SSU72: variants seen among roughly 807,000 people sequenced by gnomAD.
SSU72 encodes the protein RNA polymerase II subunit A C-terminal domain phosphatase SSU72.
SSU72 carries 12 observed loss-of-function variants against 22.7 expected under a neutral mutation model. The observed-to-expected ratio is 0.53, with a 90% CI of 0.34 to 0.86. The LOEUF (loss-of-function observed/expected upper bound fraction) is 0.86. SSU72 is among the 40% of genes least tolerant of loss of function. The pLI, the probability that SSU72 is intolerant of heterozygous loss-of-function variation, is 0.02. For synonymous variants in SSU72, 116 were observed against 98.3 expected (o/e 1.18, Z -1.06); for missense variants, 151 against 249.8 (o/e 0.60, Z 2.67).
chr1:1,556,160 C>T (rs554505526), intron 2 of SSU72, among the ~76,000 whole-genome samples: 5 of 151,412 alleles, frequency 3.3e-5, no homozygotes, highest in East Asian at 2.0e-4. Flanking sequence ...TGGCCAGGCA[C>T]GGTGGCTCAC....
At position 1,543,112 on chromosome 1, in the gene SSU72, T is replaced by C. The variant is rs528515770; in HGVS notation, c.483+757A>G. ...TGGGGCTCTCCTCAGGCAGGTCCTT[T>C]CGTCACAGCCCAGCACCTCCACGCC... On this transcript the variant is annotated intron_variant, in intron 4 of 4. Coordinates refer to ENST00000291386, the MANE Select transcript of SSU72 (RefSeq NM_014188.3). 2.0e-5 allele frequency among the ~76,000 whole-genome samples: 3 copies of C among 152,338 alleles called. No individual in the cohort carries two copies. In the East Asian group the frequency reaches 5.8e-4, roughly 29 times the overall value.
intron 2 of SSU72, chr1:1,564,363 C>A: frequency 1.9e-6 from 2 of 1,078,010 alleles, no homozygotes; most frequent in East Asian, 2.7e-5. Flanking sequence ...ATGTGTGAAG[C>A]AGCCCGGCTC....
intron 2 of SSU72, among the ~76,000 whole-genome samples, chr1:1,549,276 C>T (rs1557496715): frequency 1.3e-5 from 2 of 151,870 alleles, no homozygotes; most frequent in East Asian, 3.9e-4. Context: ...AATCCCAGAA[C>T]TTTGCGAGGC....
intron 2 of SSU72, chr1:1,562,298 T>C (rs1371483271): frequency 1.3e-5 from 2 of 152,248 alleles, no homozygotes. Context: ...AACTTAAAAA[T>C]AAACAGTGCT....
chr1:1,572,742 C>A (rs953883642), intron 1 of SSU72, among the ~76,000 whole-genome samples: 4 of 151,416 alleles, frequency 2.6e-5, no homozygotes, highest in Non-Finnish European at 5.9e-5. Flanking sequence ...CAGGTGTGAG[C>A]CACTGCGCCC....
chr1:1,556,205 G>A (rs1476716221), intron 2 of SSU72, among the ~76,000 whole-genome samples: 1 of 152,194 alleles, frequency 6.6e-6, no homozygotes, highest in Non-Finnish European at 1.5e-5. Flanking sequence ...GGCCAAGGCG[G>A]GTGGATCACA....
rs116771837 is a variant in SSU72, at chr1:1,551,994, G to A, written c.225-6992C>T. On this transcript the variant is annotated intron_variant, in intron 2 of 4. Transcript: ENST00000291386. Reference sequence around the variant, plus strand: ...TTCCAATTCAGGGGATCCCCAAGCCGGCACCCCCACATCTTCCACTAATGT... The same window carrying A: ...TTCCAATTCAGGGGATCCCCAAGCCAGCACCCCCACATCTTCCACTAATGT... Among the ~76,000 whole-genome samples, 554 of 152,246 alleles carry A rather than the reference G, an allele frequency of 3.6e-3. 5 individuals are homozygous for A. Among genetic ancestry groups the A allele is most frequent in the African/African-American group, 0.013 (540 of 41,540 alleles).
At chr1:1,548,113 G>A (rs749178330) in intron 2 of SSU72, among the ~76,000 whole-genome samples, 3 of 152,138 alleles carry the variant, frequency 2.0e-5, no homozygotes, top group East Asian at 1.9e-4. Flanking sequence ...CCATAGAATC[G>A]ACTGCCCCCA....
At chr1:1,571,482 A>G (rs1324927968) in intron 1 of SSU72, among the ~76,000 whole-genome samples, 1 of 151,370 alleles carries the variant, frequency 6.6e-6, no homozygotes, top group East Asian at 1.9e-4. Context: ...AATTAACTTC[A>G]TGATATCCAT....
At chr1:1,544,650 G>A in intron 3 of SSU72, 3 of 619,290 alleles carry the variant, frequency 4.8e-6, no homozygotes, top group Non-Finnish European at 8.5e-6. Context: ...AAGGAGAAAA[G>A]AGGCCCCTTG....
chr1:1,557,495 CAT>C (rs3073301), intron 2 of SSU72, among the ~76,000 whole-genome samples: 74,916 of 150,680 alleles, frequency 0.5, 23,222 homozygotes, highest in East Asian at 0.86. Flanking sequence ...TCTGAATTAG[CAT>C]ATATATATAT....
At chr1:1,567,929 A>AAAAAAAAAAAAAC (rs1642682168) in intron 1 of SSU72, among the ~76,000 whole-genome samples, 1 of 150,542 alleles carries the variant, frequency 6.6e-6, no homozygotes, top group African/African-American at 2.5e-5. Context: ...AAAAAAAAAA[A>AAAAAAAAAAAAAC]TCGCACAAAG....
intron 1 of SSU72, among the ~76,000 whole-genome samples, chr1:1,572,650 G>T (rs960361171): frequency 6.6e-6 from 1 of 150,620 alleles, no homozygotes; most frequent in African/African-American, 2.4e-5. Flanking sequence ...GTAGAGACGG[G>T]GTTTCATCGT....
intron 2 of SSU72, among the ~76,000 whole-genome samples, chr1:1,547,691 C>T (rs138422220): frequency 5.3e-4 from 81 of 152,308 alleles, no homozygotes; most frequent in Admixed American, 1.0e-3. Flanking sequence ...GAGCCGCTGG[C>T]GGGTGAGGCG....
chr1:1,560,366 C>T (rs1467962877), intron 2 of SSU72, among the ~76,000 whole-genome samples: 1 of 152,114 alleles, frequency 6.6e-6, no homozygotes. Flanking sequence ...GGCTGGCCTC[C>T]GGCTCCTGGG....
chr1:1,552,845 A>AC (rs912810836), intron 2 of SSU72, among the ~76,000 whole-genome samples: 93 of 152,052 alleles, frequency 6.1e-4, no homozygotes, highest in African/African-American at 2.1e-3. Context: ...ATATGGCAAA[A>AC]CCCCATCTCT....
rs777615867 is a variant in SSU72, at chr1:1,542,212, G to T, written c.484-45C>A. 1.3e-6 allele frequency: 2 copies of T among 1,533,390 alleles called. No individual in the cohort carries two copies. The highest frequency in any genetic ancestry group is 1.8e-6 in the Non-Finnish European group (2 of 1,129,838). The allele number at this position is 1,533,390 out of a possible 1,614,324, so 95.0% of individuals were successfully genotyped here. Reference sequence around the variant, plus strand: ...GTGAGGGCCTTGCCCACTCCTGCCTGTCTGCTCCCCCTAACACCTGGATCG... The same window carrying T: ...GTGAGGGCCTTGCCCACTCCTGCCTTTCTGCTCCCCCTAACACCTGGATCG... On this transcript the variant is annotated intron_variant, in intron 4 of 4. Transcript: ENST00000291386. The surrounding 1 kb of genome is among the most constrained non-coding windows in gnomAD (Gnocchi z 4.4).
At chr1:1,569,551 C>CGCA (rs1306068346) in intron 1 of SSU72, among the ~76,000 whole-genome samples, 1 of 152,166 alleles carries the variant, frequency 6.6e-6, no homozygotes, top group Non-Finnish European at 1.5e-5. Flanking sequence ...AGTTCAGTGG[C>CGCA]GCAGTCACAG....
chr1:1,553,827 C>T (rs1359407720), intron 2 of SSU72, among the ~76,000 whole-genome samples: 2 of 150,494 alleles, frequency 1.3e-5, no homozygotes, highest in African/African-American at 4.9e-5. Flanking sequence ...GGCTGACAGA[C>T]GAACTGGAGC....
Sources: gnomAD v4.1 joint callset for allele counts (sites outside exome capture counted in the v4.1 genomes callset) on GRCh38, gnomAD v4.1.1 for gene constraint, Gnocchi (gnomAD v3.1) non-coding constraint, MANE v1.5 for transcripts, NCBI Gene and HGNC (gene_info 2026-07-23, HGNC 2026-07-21) for gene names.